The following STRN4 variants were observed in gnomAD, a reference collection of about 807,000 sequenced individuals.
The protein encoded by STRN4 is striatin-4.
Under a neutral mutation model 77.9 loss-of-function variants are expected in STRN4, and 27 were observed. That is an observed-to-expected ratio of 0.35 (90% CI 0.26 to 0.48). STRN4 has a LOEUF of 0.48. Ranked by LOEUF, STRN4 falls within the 20% of genes least tolerant of loss-of-function variation. The pLI, the probability that STRN4 is intolerant of heterozygous loss-of-function variation, is 0.99. For synonymous variants in STRN4, 466 were observed against 443.1 expected, an observed-to-expected ratio of 1.05 and a Z score of -0.65; for missense variants, 798 against 1,049.7, an observed-to-expected ratio of 0.76 and a Z score of 3.31.
Position 46,741,601 on chromosome 19 carries a change from A to G in STRN4, c.283-2713T>C, listed in dbSNP as rs974916943. Among the ~76,000 whole-genome samples the G allele has an allele frequency of 6.6e-6, 1 of 152,166 alleles. No individual in the cohort carries two copies. The highest frequency in any genetic ancestry group is 2.4e-5 in the African/African-American group (1 of 41,448). ...CCTGAGGGTCGGTCGGGGATCTGGA[A>G]GTGCCGCTCACCATATCCACCCACT... On this transcript the variant is annotated intron_variant, in intron 1 of 17. Coordinates refer to ENST00000263280, the MANE Select transcript of STRN4 (RefSeq NM_013403.3). The surrounding 1 kb of genome is among the most constrained non-coding windows in gnomAD (Gnocchi z 4.9).
chr19:46,746,190 C>A lies in STRN4; in HGVS notation c.241G>T (p.Ala81Ser). 6.5e-7 allele frequency: 1 copy of A among 1,539,798 alleles called. No individual in the cohort carries two copies. The stretch of plus-strand genomic sequence containing the variant: ...TCGGCCTCCCAGCGGGCTTTCTCGG[C>A]TTCGAAGCGCGCCCACTCGTGCTGG... ...FIQHEWARFE[A>S]EKARWEAERA... is the part of the protein sequence containing the mutation. The change falls in exon 1 of 18, where the codon GCC (alanine) becomes TCC (serine). Residue 81 changes from alanine to serine, a missense_variant. Ala to Ser is a moderately conservative substitution (Grantham distance 99). This residue lies in a region of STRN4 where 511 missense variants were observed against 575.9 expected (regional missense o/e 0.89). Coordinates refer to ENST00000263280, the MANE Select transcript of STRN4 (RefSeq NM_013403.3).
rs2054468181 is a variant in STRN4 at position 46,741,220 on chromosome 19, G to GTGGC, written c.283-2336_283-2333dup. Among the ~76,000 whole-genome samples the GTGGC allele has an allele frequency of 6.6e-6, 1 of 152,186 alleles. No individual in the cohort carries two copies. Among genetic ancestry groups the GTGGC allele is most frequent in the African/African-American group, 2.4e-5 (1 of 41,432 alleles). On this transcript the variant is annotated intron_variant, in intron 1 of 17. Coordinates refer to ENST00000263280, the MANE Select transcript of STRN4 (RefSeq NM_013403.3). The surrounding 1 kb of genome is among the most constrained non-coding windows in gnomAD (Gnocchi z 4.9). Reference sequence around the variant, plus strand: ...CCAGAAATCCCAGGACAGAACGGTAGTGGCTTGGACTAGGCCGGGGCAGTG... The same window carrying GTGGC: ...CCAGAAATCCCAGGACAGAACGGTAGTGGCTGGCTTGGACTAGGCCGGGGCAGTG...
chr19:46,732,840 G>T, intron 5 of STRN4, 199 bp downstream of exon 5: 1 of 634,098 alleles, frequency 1.6e-6, no homozygotes, highest in Non-Finnish European at 2.7e-6. Flanking sequence ...ATGGCGAAGT[G>T]TGTGGAGGGA....
Position 46,746,404 on chromosome 19 carries a change from C to T in STRN4, c.27G>A (p.Ala9=), listed in dbSNP as rs1410796796. The change falls in exon 1 of 18, where the codon GCG becomes GCA. Residue 9 remains alanine (A), a synonymous_variant. Coordinates refer to ENST00000263280, the MANE Select transcript of STRN4 (RefSeq NM_013403.3). The part of the protein sequence containing the change: MMEERAAA[A]VAAAASSCRP... ...GGCAGGAGGAGGCGGCGGCGGCGAC[C>T]GCGGCGGCCGCTCGCTCCTCCATCA... is the stretch of plus-strand genomic sequence containing the variant. The T allele has an allele frequency of 3.8e-6, 4 of 1,051,160 alleles. No individual in the cohort carries two copies. Among genetic ancestry groups the T allele is most frequent in the South Asian group, 4.4e-5 (1 of 22,654 alleles). 65.1% of individuals were successfully genotyped at this position (1,051,160 alleles called of 1,614,324 possible). A position where few individuals can be genotyped will look rare whatever the true frequency, so the allele number is the denominator to read the frequency against.
chr19:46,739,616 T>C (rs1468565503), intron 1 of STRN4: 2 of 152,938 alleles, frequency 1.3e-5, no homozygotes, highest in Non-Finnish European at 2.9e-5. Flanking sequence ...CCCCTGACCA[T>C]GGTCCAGAAG....
Position 46,746,037 on chromosome 19 carries a change from C to T in STRN4, c.282+112G>A, listed in dbSNP as rs1034659793. The T allele has an allele frequency of 1.9e-5, 23 of 1,232,044 alleles. 1 individual carries two copies. In the South Asian group the frequency reaches 2.9e-4, roughly 15 times the overall value. 76.3% of individuals were successfully genotyped at this position (1,232,044 alleles called of 1,614,324 possible). ...ACCGTCGCGGTCCCCTCCCGCCCCC[C>T]CGCCGGCCGTCCCGGCGGCCATTGC... On this transcript the variant is annotated intron_variant, in intron 1 of 17. Coordinates refer to ENST00000263280, the MANE Select transcript of STRN4 (RefSeq NM_013403.3).
In STRN4 at chr19:46,746,255, C is replaced by A. The variant is rs2054607113; in HGVS notation, c.176G>T (p.Gly59Val). Reference protein sequence around the residue: ...GGGGSPGPTAGPEPLSLPGIL... With the variant: ...GGGGSPGPTAVPEPLSLPGIL... ...CCCCGGCAGGCTCAGGGGCTCCGGG[C>A]CCGCCGTGGGCCCGGGGCTGCCTCC... Residue 59 changes from glycine (G) to valine (V), a missense_variant, in exon 1 of 18, where the codon GGC becomes GTC. Around this residue, in one of 2 missense-constraint regions of STRN4, gnomAD observed 511 missense variants for 575.9 expected, o/e 0.89. Coordinates refer to ENST00000263280, the MANE Select transcript of STRN4 (RefSeq NM_013403.3). The A allele has an allele frequency of 6.7e-7, 1 of 1,496,614 alleles. No homozygotes were observed. The highest frequency in any genetic ancestry group is 8.8e-7 in the Non-Finnish European group (1 of 1,130,434). 92.7% of individuals were successfully genotyped at this position (1,496,614 alleles called of 1,614,324 possible).
rs1415384366 is a variant in STRN4, at chr19:46,720,774, G to A, written c.2093-3C>T. Reference sequence around the variant, plus strand: ...GAGACGCAGGGAGCAGTCATGGCCTGCACATGTGTCGGGGACAGAAGGGGT... The same window carrying A: ...GAGACGCAGGGAGCAGTCATGGCCTACACATGTGTCGGGGACAGAAGGGGT... On this transcript the variant is annotated splice_polypyrimidine_tract_variant and splice_region_variant and intron_variant, in intron 16 of 17. Coordinates refer to ENST00000263280, the MANE Select transcript of STRN4 (RefSeq NM_013403.3). The A allele has an allele frequency of 4.5e-6, 7 of 1,568,114 alleles. No homozygotes were observed. Among genetic ancestry groups the A allele is most frequent in the Admixed American group, 1.8e-5 (1 of 56,180 alleles).
chr19:46,746,191 T>A lies in STRN4; in HGVS notation c.240A>T (p.Glu80Asp). ...HFIQHEWARF[E>D]AEKARWEAER... is the part of the protein sequence containing the mutation. ...CGGCCTCCCAGCGGGCTTTCTCGGC[T>A]TCGAAGCGCGCCCACTCGTGCTGGA... The change falls in exon 1 of 18, where the codon GAA becomes GAT. Residue 80 changes from glutamate (E) to aspartate (D), a missense_variant. This residue lies in a region of STRN4 where 511 missense variants were observed against 575.9 expected (regional missense o/e 0.89). Transcript: ENST00000263280. 6.5e-7 allele frequency: 1 copy of A among 1,539,156 alleles called. No homozygotes were observed. The highest frequency in any genetic ancestry group is 8.7e-7 in the Non-Finnish European group (1 of 1,151,072).
At chr19:46,728,591 G>C (rs2054178315) in intron 7 of STRN4, 27 bp downstream of exon 7, 1 of 1,604,022 alleles carries the variant, frequency 6.2e-7, no homozygotes, top group African/African-American at 1.3e-5. Flanking sequence ...AAGGCAAGCG[G>C]GGGCTGGCCA....
At chr19:46,743,764 G>T (rs1045888137) in intron 1 of STRN4, among the ~76,000 whole-genome samples, 8 of 152,058 alleles carry the variant, frequency 5.3e-5, no homozygotes. Context: ...GCCAGGCGTG[G>T]TGGTGGTGCA....
Position 46,727,878 on chromosome 19 carries a change from G to T in STRN4, c.1153+16C>A, listed in dbSNP as rs373291559. On this transcript the variant is annotated intron_variant, in intron 8 of 17. Transcript: ENST00000263280. ...TGGGCCCGCAGGACTGGGACCAGGT[G>T]GGGGGTGCCTCTTACCTTCATGTGG... 28 of 1,575,258 alleles carry T rather than the reference G, an allele frequency of 1.8e-5. No homozygotes were observed. The highest frequency in any genetic ancestry group is 3.4e-4 in the Middle Eastern group (2 of 5,884).
At chr19:46,746,079 C>T in intron 1 of STRN4, 70 bp downstream of exon 1, 2 of 1,257,256 alleles carry the variant, frequency 1.6e-6, no homozygotes, top group Non-Finnish European at 2.0e-6. Flanking sequence ...ATGGCGGCGG[C>T]GGCGGCAGCG....
At position 46,738,943 on chromosome 19, in the gene STRN4, G is replaced by T; in HGVS notation, c.283-55C>A. 2.0e-6 allele frequency: 3 copies of T among 1,490,064 alleles called. No individual in the cohort carries two copies. The highest frequency in any genetic ancestry group is 2.8e-6 in the Non-Finnish European group (3 of 1,074,354). 92.3% of individuals were successfully genotyped at this position (1,490,064 alleles called of 1,614,324 possible). On this transcript the variant is annotated intron_variant, in intron 1 of 17. Transcript: ENST00000263280. This position sits in a 1 kb window ranked among gnomAD's most constrained non-coding sequence, Gnocchi z 4.5. The stretch of plus-strand genomic sequence containing the variant: ...ATAATGGGGCTCAGGCTCAATGCCG[G>T]TGTGTCTATCACTCACCCAGGTATA...
intron 1 of STRN4, among the ~76,000 whole-genome samples, chr19:46,742,191 C>G (rs2054487057): frequency 6.6e-6 from 1 of 152,188 alleles, no homozygotes; most frequent in Non-Finnish European, 1.5e-5. Context: ...TTACTTACTT[C>G]TCAGAATCCC....
At chr19:46,739,582 A>G (rs1177575474) in intron 1 of STRN4, 1 of 152,962 alleles carries the variant, frequency 6.5e-6, no homozygotes, top group East Asian at 1.9e-4. Flanking sequence ...CACTGGGCCC[A>G]CTGCCTTCCA....
At chr19:46,735,819 C>T (rs2122342707) in intron 4 of STRN4, among the ~76,000 whole-genome samples, 1 of 150,858 alleles carries the variant, frequency 6.6e-6, no homozygotes, top group East Asian at 2.0e-4. Flanking sequence ...ACAAAATTAG[C>T]TAGGCATGGT....
intron 6 of STRN4, 97 bp from the exon 7 acceptor site, chr19:46,728,874 C>T (rs774077350): frequency 2.4e-5 from 37 of 1,523,586 alleles, no homozygotes; most frequent in Non-Finnish European, 3.1e-5. Flanking sequence ...GCTCTGGGCC[C>T]GTTTCTGTTC....
intron 12 of STRN4, among the ~76,000 whole-genome samples, chr19:46,724,571 A>G (rs951731945): frequency 3.9e-5 from 6 of 152,220 alleles, no homozygotes; most frequent in African/African-American, 1.4e-4. Flanking sequence ...GCCGGCTCAC[A>G]GAGATTCTCA....
Sources: gnomAD v4.1 joint callset for allele counts (sites outside exome capture counted in the v4.1 genomes callset) on GRCh38, gnomAD v4.1.1 for gene constraint, gnomAD v4.1.1 regional missense constraint, Gnocchi (gnomAD v3.1) non-coding constraint, MANE v1.5 for transcripts, NCBI Gene and HGNC (gene_info 2026-07-23, HGNC 2026-07-21) for gene names.